Variants in RGS7 observed in about 807,000 individuals in gnomAD.
RGS7 encodes regulator of G-protein signaling 7.
A neutral mutation model predicts 81.1 loss-of-function variants in RGS7; 27 were observed. The observed-to-expected ratio is 0.33, with a 90% CI of 0.25 to 0.46. The LOEUF (loss-of-function observed/expected upper bound fraction) is 0.46, where lower values mean the gene tolerates loss of function less well. RGS7 is among the 20% of genes least tolerant of loss of function. The pLI, the probability that RGS7 is intolerant of heterozygous loss-of-function variation, is 1.00. For missense variants in RGS7, 396 were observed against 607.4 expected (o/e 0.65, Z 3.66); for synonymous variants, 208 against 207.7 (o/e 1.00, Z -0.01).
At chr1:241,184,011 G>A (rs920986224) in intron 2 of RGS7, among the ~76,000 whole-genome samples, 2 of 152,176 alleles carry the variant, frequency 1.3e-5, no homozygotes, top group African/African-American at 4.8e-5. Flanking sequence ...ACTACCCTCT[G>A]AGAGTAGCTC....
chr1:241,212,103 C>A (rs2074276398), intron 2 of RGS7, among the ~76,000 whole-genome samples: 1 of 150,756 alleles, frequency 6.6e-6, no homozygotes, highest in Admixed American at 6.6e-5. Context: ...ATAAATTATT[C>A]AATTATAATT....
At chr1:240,873,144 A>G (rs1253314828) in intron 6 of RGS7, among the ~76,000 whole-genome samples, 8 of 152,034 alleles carry the variant, frequency 5.3e-5, no homozygotes, top group Admixed American at 4.6e-4. Context: ...TTTTGTGCCA[A>G]TCCTAATTAT....
intron 10 of RGS7, among the ~76,000 whole-genome samples, chr1:240,825,571 C>T (rs1692657575): frequency 6.6e-6 from 1 of 152,140 alleles, no homozygotes; most frequent in Admixed American, 6.5e-5. Context: ...TGGAGTGAGG[C>T]CCTGTCATTC....
intron 11 of RGS7, among the ~76,000 whole-genome samples, chr1:240,815,228 G>A (rs1690604797): frequency 6.6e-6 from 1 of 151,936 alleles, no homozygotes; most frequent in Non-Finnish European, 1.5e-5. Flanking sequence ...TATAGTCCCA[G>A]CTACTCTGGG....
intron 2 of RGS7, among the ~76,000 whole-genome samples, chr1:241,316,510 T>C (rs966727777): frequency 6.6e-6 from 1 of 152,154 alleles, no homozygotes; most frequent in African/African-American, 2.4e-5. Context: ...GATTCCCGGA[T>C]TTGAGGAGCT....
At chr1:241,075,185 G>A (rs2062718779) in intron 3 of RGS7, among the ~76,000 whole-genome samples, 1 of 152,130 alleles carries the variant, frequency 6.6e-6, no homozygotes, top group Non-Finnish European at 1.5e-5. Flanking sequence ...AAAAAAAGAA[G>A]GGGGAAAAGT....
At chr1:241,199,492 G>A (rs575416149) in intron 2 of RGS7, among the ~76,000 whole-genome samples, 1 of 151,876 alleles carries the variant, frequency 6.6e-6, no homozygotes, top group Admixed American at 6.6e-5. Flanking sequence ...TATACAGAAT[G>A]GTAAAATATT....
In RGS7 at chr1:241,041,919, G is replaced by A. The variant is rs149600275; in HGVS notation, c.175+56747C>T. ...ACATCTTATTTGTTGTTGTGTCCCTGGAACCTACCAAGTACTAGAGCATCG... is the reference window on the plus strand; with the variant it reads ...ACATCTTATTTGTTGTTGTGTCCCTAGAACCTACCAAGTACTAGAGCATCG... On this transcript the variant is annotated intron_variant, in intron 3 of 18. Transcript: ENST00000440928. Among the ~76,000 whole-genome samples the A allele has an allele frequency of 3.3e-3, 500 of 152,170 alleles. 3 individuals carry two copies. The highest frequency in any genetic ancestry group is 0.01 in the Middle Eastern group (3 of 294).
chr1:241,147,429 A>T (rs1319321756), intron 2 of RGS7, among the ~76,000 whole-genome samples: 2 of 152,138 alleles, frequency 1.3e-5, no homozygotes, highest in Non-Finnish European at 2.9e-5. Flanking sequence ...CTTCATGTAG[A>T]AGTATGACTA....
chr1:241,340,475 A>G (rs1215297864), intron 2 of RGS7, among the ~76,000 whole-genome samples: 1 of 152,194 alleles, frequency 6.6e-6, no homozygotes, highest in Non-Finnish European at 1.5e-5. Context: ...TCCTTAAAGA[A>G]TTTATAAGAT....
At position 240,776,149 on chromosome 1, in the gene RGS7, A is replaced by G. The variant is rs1418807537; in HGVS notation, c.*71T>C. The G allele has an allele frequency of 1.2e-6, 2 of 1,601,426 alleles. No homozygotes were observed. The highest frequency in any genetic ancestry group is 1.7e-6 in the Non-Finnish European group (2 of 1,168,424). ...AGTGACTCCAGTCTGCATTCATGCT[A>G]CAAGATGATCCGTTTAGTAAGACTG... On this transcript the variant is annotated 3_prime_UTR_variant, in exon 19 of 19. Transcript: ENST00000440928.
At position 241,253,014 on chromosome 1, in the gene RGS7, G is replaced by C. The variant is rs148233359; in HGVS notation, c.78+102685C>G. The stretch of plus-strand genomic sequence containing the variant: ...ATGTAATACATAGCACCCTAGGTCA[G>C]AAGTGTGCCTTGAGACAGAGTTCTA... On this transcript the variant is annotated intron_variant, in intron 2 of 18. Transcript: ENST00000440928. 5.9e-5 allele frequency among the ~76,000 whole-genome samples: 9 copies of C among 152,346 alleles called. No homozygotes were observed. The East Asian group carries it at 1.7e-3, about 29-fold the overall frequency.
intron 3 of RGS7, among the ~76,000 whole-genome samples, chr1:241,093,089 T>C (rs961487442): frequency 6.6e-6 from 1 of 152,208 alleles, no homozygotes; most frequent in Non-Finnish European, 1.5e-5. Flanking sequence ...ATTTATTTTA[T>C]TGTTTTTTTC....
At chr1:240,864,362 T>C (rs889211890) in intron 9 of RGS7, among the ~76,000 whole-genome samples, 2 of 152,128 alleles carry the variant, frequency 1.3e-5, no homozygotes, top group African/African-American at 2.4e-5. Context: ...AGGAAACATG[T>C]TTTAGTCATT....
intron 2 of RGS7, among the ~76,000 whole-genome samples, chr1:241,332,325 G>A (rs2148662246): frequency 6.6e-6 from 1 of 152,240 alleles, no homozygotes; most frequent in Middle Eastern, 3.4e-3. Context: ...TTGATGTTTT[G>A]GTGTAGGTGA....
At chr1:240,873,736 C>A (rs575727353) in intron 6 of RGS7, among the ~76,000 whole-genome samples, 5 of 152,250 alleles carry the variant, frequency 3.3e-5, no homozygotes, top group African/African-American at 1.2e-4. Context: ...ATCACTAAGA[C>A]CCCAGTATCA....
At chr1:240,828,724 T>C (rs1348257380) in intron 9 of RGS7, among the ~76,000 whole-genome samples, 1 of 152,028 alleles carries the variant, frequency 6.6e-6, no homozygotes, top group Non-Finnish European at 1.5e-5. Context: ...GAGGTGGAGG[T>C]TGCAGTGAGC....
intron 15 of RGS7, 24 bp from the exon 16 acceptor site, chr1:240,803,017 T>C (rs778298893): frequency 1.4e-6 from 2 of 1,475,156 alleles, no homozygotes; most frequent in Admixed American, 1.7e-5. Flanking sequence ...ATGGTTGAGG[T>C]GCTTCTTTAT....
chr1:240,932,526 T>TTTTTTTTTTTG (rs1675638725), intron 5 of RGS7, among the ~76,000 whole-genome samples: 2 of 150,352 alleles, frequency 1.3e-5, no homozygotes, highest in African/African-American at 2.4e-5. Context: ...TTTTTTTTTT[T>TTTTTTTTTTTG]GAGACAGGGT....
Sources: allele counts gnomAD v4.1 joint callset (sites outside exome capture counted in the v4.1 genomes callset), GRCh38; gene constraint gnomAD v4.1.1; transcripts MANE v1.5; gene names NCBI Gene and HGNC (gene_info 2026-07-23, HGNC 2026-07-21).